ST3GAL3: variants seen among roughly 807,000 people sequenced by gnomAD.
ST3GAL3 encodes the protein ST3 beta-galactoside alpha-2,3-sialyltransferase 3.
A neutral mutation model predicts 50.1 loss-of-function variants in ST3GAL3; 21 were observed. That is an observed-to-expected ratio of 0.42 (90% CI 0.30 to 0.60). The LOEUF (loss-of-function observed/expected upper bound fraction) is 0.60. Ranked by LOEUF, ST3GAL3 falls within the 20% of genes least tolerant of loss-of-function variation. ST3GAL3 has a pLI of 0.19. For missense variants in ST3GAL3, 353 were observed against 489.4 expected (o/e 0.72, Z 2.63); for synonymous variants, 183 against 190.0 (o/e 0.96, Z 0.30).
At chr1:43,867,930 T>C (rs1460142654) in intron 5 of ST3GAL3, among the ~76,000 whole-genome samples, 1 of 152,188 alleles carries the variant, frequency 6.6e-6, no homozygotes, top group Non-Finnish European at 1.5e-5. Flanking sequence ...AGAATTTCTC[T>C]CCAAAATTAT....
chr1:43,729,906 G>A (rs1453106756), intron 1 of ST3GAL3, among the ~76,000 whole-genome samples: 1 of 151,882 alleles, frequency 6.6e-6, no homozygotes, highest in Non-Finnish European at 1.5e-5. Flanking sequence ...GTGTAATTTT[G>A]TTAGATATTT....
chr1:43,780,605 A>G (rs760267088), intron 2 of ST3GAL3, among the ~76,000 whole-genome samples: 1 of 149,350 alleles, frequency 6.7e-6, no homozygotes, highest in Non-Finnish European at 1.5e-5. Flanking sequence ...ATCATTTTCC[A>G]TCTCTATCTT....
intron 9 of ST3GAL3, among the ~76,000 whole-genome samples, chr1:43,900,075 C>G (rs112101178): frequency 9.2e-5 from 14 of 151,938 alleles, no homozygotes; most frequent in African/African-American, 2.7e-4. Context: ...CTCAGGCCAG[C>G]CTTCGTATCA....
At chr1:43,744,807 G>A (rs1004510850) in intron 2 of ST3GAL3, among the ~76,000 whole-genome samples, 1 of 151,234 alleles carries the variant, frequency 6.6e-6, no homozygotes, top group Non-Finnish European at 1.5e-5. Flanking sequence ...GTTTGAGACC[G>A]TGAAACCCCA....
chr1:43,830,447 A>G (rs757411910), intron 4 of ST3GAL3, among the ~76,000 whole-genome samples: 1 of 152,184 alleles, frequency 6.6e-6, no homozygotes, highest in African/African-American at 2.4e-5. Flanking sequence ...CTTCAAGTAC[A>G]TGTATTGCTC....
chr1:43,847,592 A>G (rs1337085158), intron 5 of ST3GAL3, among the ~76,000 whole-genome samples: 1 of 152,244 alleles, frequency 6.6e-6, no homozygotes, highest in Non-Finnish European at 1.5e-5. Context: ...TCAAATTCAT[A>G]GAGACAGAAA....
rs74070676 is a variant in ST3GAL3 at position 43,764,745 on chromosome 1, G to C, written c.119-27357G>C. ...TCCTCCTGACCCGTCATTGGACGAG[G>C]GCTGCCCCAGGAAGGGGCATGGCCG... On this transcript the variant is annotated intron_variant, in intron 2 of 11. Transcript: ENST00000347631. Among the ~76,000 whole-genome samples the C allele has an allele frequency of 7.6e-3, 1,157 of 152,320 alleles. 22 individuals are homozygous for C. The highest frequency in any genetic ancestry group is 0.026 in the African/African-American group (1,099 of 41,580).
Position 43,899,030 on chromosome 1 carries a change from C to A in ST3GAL3, c.462-138C>A. The A allele has an allele frequency of 2.5e-6, 3 of 1,198,520 alleles. No homozygotes were observed. The highest frequency in any genetic ancestry group is 1.2e-6 in the Non-Finnish European group (1 of 845,090). 74.2% of individuals were successfully genotyped at this position (1,198,520 alleles called of 1,614,324 possible). A position where few individuals can be genotyped will look rare whatever the true frequency, so the allele number is the denominator to read the frequency against. On this transcript the variant is annotated intron_variant, in intron 7 of 11. Transcript: ENST00000347631. The surrounding 1 kb of genome is among the most constrained non-coding windows in gnomAD (Gnocchi z 5.4). ...TGGTTCAGGCCTTCTCTCAGAAATG[C>A]TGCCAGAAGCCCATTGGTCTTCTTC...
chr1:43,911,621 ATC>A (rs2080901731), intron 9 of ST3GAL3, among the ~76,000 whole-genome samples: 1 of 134,566 alleles, frequency 7.4e-6, no homozygotes, highest in South Asian at 2.3e-4. Context: ...CTACAGATAT[ATC>A]TATAGATATC....
chr1:43,709,247 A>G (rs1393942775), intron 1 of ST3GAL3: 1 of 152,228 alleles, frequency 6.6e-6, no homozygotes, highest in African/African-American at 2.4e-5. Context: ...GTTGCACAAA[A>G]GGTAGGTTGA....
chr1:43,776,311 A>G (rs1430385644), intron 2 of ST3GAL3, among the ~76,000 whole-genome samples: 2 of 152,114 alleles, frequency 1.3e-5, no homozygotes, highest in Non-Finnish European at 2.9e-5. Context: ...GAACCATATA[A>G]TATGTAGTCT....
At chr1:43,746,665 T>C (rs957149474) in intron 2 of ST3GAL3, among the ~76,000 whole-genome samples, 3 of 152,036 alleles carry the variant, frequency 2.0e-5, no homozygotes, top group Admixed American at 6.6e-5. Context: ...GGTTTCACCA[T>C]GTTGGCCAGG....
intron 4 of ST3GAL3, among the ~76,000 whole-genome samples, chr1:43,829,276 T>C (rs1262471364): frequency 6.6e-6 from 1 of 152,212 alleles, no homozygotes; most frequent in Admixed American, 6.5e-5. Flanking sequence ...GGAAGAATAA[T>C]ACCTATCATA....
intron 2 of ST3GAL3, among the ~76,000 whole-genome samples, chr1:43,751,445 GA>G (rs901220423): frequency 1.3e-5 from 2 of 151,874 alleles, no homozygotes; most frequent in Non-Finnish European, 2.9e-5. Context: ...TTGTTTATAA[GA>G]AAAAAATGGA....
intron 1 of ST3GAL3, chr1:43,709,566 A>G (rs1028556035): frequency 1.3e-5 from 2 of 151,854 alleles, no homozygotes; most frequent in African/African-American, 4.8e-5. Context: ...TTTTTTGTAG[A>G]GACAGGGTCT....
chr1:43,823,433 T>C (rs2062369578), intron 4 of ST3GAL3, among the ~76,000 whole-genome samples: 1 of 152,184 alleles, frequency 6.6e-6, no homozygotes, highest in Non-Finnish European at 1.5e-5. Flanking sequence ...CTCATTCCCT[T>C]GTCTGGAACA....
At chr1:43,892,518 G>A (rs1244546826) in intron 5 of ST3GAL3, among the ~76,000 whole-genome samples, 6 of 152,040 alleles carry the variant, frequency 3.9e-5, no homozygotes, top group Non-Finnish European at 1.5e-5. Flanking sequence ...TACAGTTATG[G>A]GTATTTTTAT....
chr1:43,720,031 C>A (rs530538483), intron 1 of ST3GAL3, among the ~76,000 whole-genome samples: 3 of 151,668 alleles, frequency 2.0e-5, no homozygotes, highest in African/African-American at 7.3e-5. Context: ...TTACTTGAGC[C>A]CAGGAGTTAG....
chr1:43,909,193 GA>G (rs2080353569), intron 9 of ST3GAL3, among the ~76,000 whole-genome samples: 2 of 152,164 alleles, frequency 1.3e-5, no homozygotes, highest in Non-Finnish European at 2.9e-5. Flanking sequence ...TACCTTCGAG[GA>G]GAGTCAGGAT....
Sources: gnomAD v4.1 joint callset for allele counts (sites outside exome capture counted in the v4.1 genomes callset) on GRCh38, gnomAD v4.1.1 for gene constraint, Gnocchi (gnomAD v3.1) non-coding constraint, MANE v1.5 for transcripts, NCBI Gene and HGNC (gene_info 2026-07-23, HGNC 2026-07-21) for gene names.